Variants in NAV1 observed in about 807,000 individuals in gnomAD.
The protein encoded by NAV1 is neuron navigator 1.
In NAV1, 18 loss-of-function variants were observed where a neutral mutation model predicts 175.2. The observed-to-expected ratio is 0.10, with a 90% CI of 0.07 to 0.15. NAV1 has a LOEUF of 0.15. Ranked by LOEUF, NAV1 falls within the 10% of genes least tolerant of loss-of-function variation. NAV1 has a pLI of 1.00. For missense variants in NAV1, 1,731 were observed against 2,436.6 expected (o/e 0.71, Z 6.10); for synonymous variants, 897 against 978.7 (o/e 0.92, Z 1.56).
chr1:201,643,846 G>A (rs976483920), upstream of NAV1, among the ~76,000 whole-genome samples: 3 of 152,082 alleles, frequency 2.0e-5, no homozygotes, highest in Non-Finnish European at 4.4e-5. Flanking sequence ...CAGACACCTG[G>A]GTTACATCCG....
chr1:201,757,605 C>A (rs1217112357), intron 3 of NAV1, among the ~76,000 whole-genome samples: 2 of 152,204 alleles, frequency 1.3e-5, no homozygotes, highest in Admixed American at 6.5e-5. Flanking sequence ...ATAGTTCATA[C>A]CATACTCTAC....
At chr1:201,619,980 G>A (rs979565952), upstream of NAV1, among the ~76,000 whole-genome samples, 2 of 152,354 alleles carry the variant, frequency 1.3e-5, no homozygotes, top group South Asian at 2.1e-4. Flanking sequence ...GGGGGTCATA[G>A]CAATTCCCTT....
At chr1:201,602,639 TTTTTTTTTTTGG>T (rs1244107280) in intron 2 of NAV1, among the ~76,000 whole-genome samples, 5 of 143,444 alleles carry the variant, frequency 3.5e-5, no homozygotes, top group African/African-American at 5.0e-5. Context: ...TAAGCTATGT[TTTTTTTTTTTGG>T]TTTTTTTTTT....
chr1:201,558,610 G>A (rs564165379), intron 1 of NAV1, among the ~76,000 whole-genome samples: 5 of 152,144 alleles, frequency 3.3e-5, no homozygotes, highest in African/African-American at 7.2e-5. Flanking sequence ...ACACCACCAC[G>A]CTGGCTAATT....
intron 2 of NAV1, among the ~76,000 whole-genome samples, chr1:201,633,560 A>T (rs1033672448): frequency 6.6e-6 from 1 of 152,198 alleles, no homozygotes; most frequent in Admixed American, 6.5e-5. Context: ...GCCTCTGCCA[A>T]GCAATGAGGA....
chr1:201,561,151 A>T (rs1040629412), intron 1 of NAV1, among the ~76,000 whole-genome samples: 1 of 152,124 alleles, frequency 6.6e-6, no homozygotes, highest in Non-Finnish European at 1.5e-5. Flanking sequence ...CTAGTGGAGG[A>T]TGGGAGCTCC....
rs376286013 is a variant in NAV1 at position 201,552,428 on chromosome 1, G to A, written c.-144+13086G>A. On this transcript the variant is annotated intron_variant, in intron 1 of 33. Coordinates refer to the NAV1 transcript ENST00000685211. ...TTCCCTTTCTCCTGCCCACGGGAGC[G>A]CTGAAGGTGCTGAATTTCCCTGGCT... 4.0e-4 allele frequency among the ~76,000 whole-genome samples: 61 copies of A among 152,208 alleles called. No homozygotes were observed. The East Asian group carries it at 7.1e-3, about 18-fold the overall frequency.
At chr1:201,695,678 GC>G (rs1671160700) in intron 1 of NAV1, among the ~76,000 whole-genome samples, 1 of 152,212 alleles carries the variant, frequency 6.6e-6, no homozygotes, top group Admixed American at 6.5e-5. Context: ...CTGGATGCAG[GC>G]CCTGGAGGGC....
intron 1 of NAV1, among the ~76,000 whole-genome samples, chr1:201,703,504 A>C (rs1571895184): frequency 6.6e-6 from 1 of 151,968 alleles, no homozygotes. Flanking sequence ...GCAAACTAGC[A>C]CTCCTTCCAA....
chr1:201,591,358 G>A (rs750781069), intron 2 of NAV1, among the ~76,000 whole-genome samples: 1 of 152,146 alleles, frequency 6.6e-6, no homozygotes, highest in Non-Finnish European at 1.5e-5. Flanking sequence ...GGAGATCTGT[G>A]CTCAGAGGGC....
In NAV1 at chr1:201,820,103, G is replaced by T. The variant is rs144009188; in HGVS notation, c.*171G>T. On this transcript the variant is annotated 3_prime_UTR_variant, in exon 30 of 30. Transcript: ENST00000367296. ...CAGGTTCTTGGTGCTGTACCTTTGA[G>T]AACTTCCTAGGAAGGAATGGTGGGG... 6.8e-4 allele frequency: 424 copies of T among 622,922 alleles called. 1 individual carries two copies. The African/African-American group carries it at 7.0e-3, about 10-fold the overall frequency. The allele number at this position is 622,922 out of a possible 1,614,324, so 38.6% of individuals were successfully genotyped here.
In NAV1 at chr1:201,811,897, C is replaced by A; in HGVS notation, c.4953-6C>A. The A allele has an allele frequency of 6.2e-7, 1 of 1,614,042 alleles. No individual in the cohort carries two copies. Among genetic ancestry groups the A allele is most frequent in the East Asian group, 2.2e-5 (1 of 44,874 alleles). ...AAGTGAATCTTTTTCCCCTTTCTCC[C>A]TACAGTCCCTATATTATAGGTACCA... On this transcript the variant is annotated splice_region_variant and splice_polypyrimidine_tract_variant and intron_variant, in intron 25 of 29. Coordinates refer to ENST00000367296, the Ensembl canonical transcript of NAV1.
At chr1:201,814,840 C>T (rs1017582137) in intron 28 of NAV1, among the ~76,000 whole-genome samples, 4 of 151,812 alleles carry the variant, frequency 2.6e-5, no homozygotes, top group Admixed American at 1.3e-4. Flanking sequence ...GAGATCGAGA[C>T]CGTCGTGGCT....
chr1:201,776,720 C>A (rs1037048212), intron 3 of NAV1, among the ~76,000 whole-genome samples: 1 of 149,880 alleles, frequency 6.7e-6, no homozygotes, highest in African/African-American at 2.5e-5. Flanking sequence ...GCCAAAAAAT[C>A]TGTTAACTGA....
At chr1:201,569,286 G>T (rs12033994) in intron 1 of NAV1, among the ~76,000 whole-genome samples, 6 of 152,194 alleles carry the variant, frequency 3.9e-5, no homozygotes, top group Non-Finnish European at 8.8e-5. Context: ...CCTCCTGGTA[G>T]GCAACCAGCA....
chr1:201,671,212 G>A (rs149928905), intron 1 of NAV1, among the ~76,000 whole-genome samples: 2 of 152,274 alleles, frequency 1.3e-5, no homozygotes, highest in East Asian at 3.9e-4. Context: ...CCTGCCTTCC[G>A]CGAGGGTATT....
intron 2 of NAV1, among the ~76,000 whole-genome samples, chr1:201,631,368 T>C (rs968695438): frequency 2.6e-5 from 4 of 152,260 alleles, no homozygotes; most frequent in Admixed American, 6.5e-5. Context: ...TTTCATTTTA[T>C]GCCTTGCCCT....
chr1:201,601,864 C>A (rs990520461), intron 2 of NAV1, among the ~76,000 whole-genome samples: 4 of 152,158 alleles, frequency 2.6e-5, no homozygotes, highest in Admixed American at 6.5e-5. Context: ...GCAGGAGAGT[C>A]CCCTAGCCCA....
chr1:201,641,353 A>G (rs893934705), intron 2 of NAV1, among the ~76,000 whole-genome samples: 11 of 152,162 alleles, frequency 7.2e-5, no homozygotes, highest in African/African-American at 2.7e-4. Flanking sequence ...TGAGCCCAGC[A>G]ATTTGCTCCC....
Sources: allele counts gnomAD v4.1 joint callset (sites outside exome capture counted in the v4.1 genomes callset), GRCh38; gene constraint gnomAD v4.1.1; transcripts MANE v1.5; gene names NCBI Gene and HGNC (gene_info 2026-07-23, HGNC 2026-07-21).